SYNRG: variants seen among roughly 807,000 people sequenced by gnomAD.
SYNRG encodes the protein synergin gamma, also known as AP1 gamma subunit binding protein 1.
Under a neutral mutation model 130.9 loss-of-function variants are expected in SYNRG, and 37 were observed. The ratio of observed to expected loss-of-function variants is 0.28; its 90% CI spans 0.22 to 0.37. The LOEUF (loss-of-function observed/expected upper bound fraction) is 0.37. Among genes scored for constraint, SYNRG ranks in the 10% least tolerant of loss-of-function variants. SYNRG has a pLI of 1.00. For synonymous variants in SYNRG, 539 were observed against 568.1 expected, an observed-to-expected ratio of 0.95 and a Z score of 0.73; for missense variants, 1,338 against 1,588.9, an observed-to-expected ratio of 0.84 and a Z score of 2.68.
intron 19 of SYNRG, among the ~76,000 whole-genome samples, chr17:37,530,769 G>A (rs747405635): frequency 6.6e-6 from 1 of 152,184 alleles, no homozygotes. Flanking sequence ...CCCAGCTTCT[G>A]TTCGCAATAT....
intron 14 of SYNRG, among the ~76,000 whole-genome samples, chr17:37,546,985 CT>C (rs1234075930): frequency 6.6e-6 from 1 of 152,118 alleles, no homozygotes; most frequent in East Asian, 1.9e-4. Flanking sequence ...TCTCTATTAA[CT>C]AAAAAACCTG....
chr17:37,556,191 T>C (rs970518969), intron 13 of SYNRG, among the ~76,000 whole-genome samples: 13 of 152,122 alleles, frequency 8.5e-5, no homozygotes, highest in African/African-American at 2.7e-4. Context: ...GGCTCACGAC[T>C]GTAATCCCTG....
intron 13 of SYNRG, among the ~76,000 whole-genome samples, chr17:37,555,176 G>C (rs1219740099): frequency 6.6e-6 from 1 of 152,022 alleles, no homozygotes; most frequent in African/African-American, 2.4e-5. Flanking sequence ...GCCCAGGCTG[G>C]AGTACAATGG....
Position 37,541,959 on chromosome 17 carries a change from G to A in SYNRG, c.3202+13C>T. ...AAACCACAATAGTAAAATCTACCTT[G>A]GAAGCTACTCACCTTGAACAGAAAG... On this transcript the variant is annotated intron_variant, in intron 15 of 21. Transcript: ENST00000612223. 6.2e-7 allele frequency: 1 copy of A among 1,601,610 alleles called. No homozygotes were observed. Among genetic ancestry groups the A allele is most frequent in the East Asian group, 2.2e-5 (1 of 44,646 alleles).
At chr17:37,541,294 A>C in intron 15 of SYNRG, 1 of 980,080 alleles carries the variant, frequency 1.0e-6, no homozygotes, top group Non-Finnish European at 1.2e-6. Context: ...AGGCAAACTC[A>C]AATGCCTTCA....
intron 6 of SYNRG, among the ~76,000 whole-genome samples, chr17:37,580,953 A>G (rs2146335508): frequency 6.6e-6 from 1 of 152,276 alleles, no homozygotes; most frequent in South Asian, 2.1e-4. Context: ...TACAGGCATG[A>G]GCCACCATGC....
intron 11 of SYNRG, among the ~76,000 whole-genome samples, chr17:37,564,427 T>C (rs1453886279): frequency 2.6e-5 from 4 of 152,246 alleles, no homozygotes; most frequent in Non-Finnish European, 4.4e-5. Context: ...AAGATTACCA[T>C]GGCAACTGAA....
At chr17:37,540,017 T>G (rs2057595822) in intron 16 of SYNRG, among the ~76,000 whole-genome samples, 1 of 152,222 alleles carries the variant, frequency 6.6e-6, no homozygotes, top group Non-Finnish European at 1.5e-5. Flanking sequence ...GGCACTAAGA[T>G]GCAGCAGACA....
chr17:37,596,173 C>G, intron 3 of SYNRG, 50 bp downstream of exon 3: 2 of 1,595,830 alleles, frequency 1.3e-6, no homozygotes, highest in Non-Finnish European at 1.7e-6. Flanking sequence ...GATATATAAA[C>G]GTAACAACAA....
chr17:37,520,661 C>CA lies in SYNRG; in HGVS notation c.3667-14dup. 6.2e-7 allele frequency: 1 copy of CA among 1,610,068 alleles called. No homozygotes were observed. The highest frequency in any genetic ancestry group is 8.5e-7 in the Non-Finnish European group (1 of 1,176,288). On this transcript the variant is annotated splice_polypyrimidine_tract_variant and intron_variant, in intron 19 of 21. Transcript: ENST00000612223. ...AGTTTTCATCTGGCTGTGAGGACGACAAGACAAATGGGTAAGAAGTCCACA... is the reference window on the plus strand; with the variant it reads ...AGTTTTCATCTGGCTGTGAGGACGACAAAGACAAATGGGTAAGAAGTCCACA...
At chr17:37,552,138 C>T (rs2058754582) in intron 14 of SYNRG, among the ~76,000 whole-genome samples, 1 of 152,178 alleles carries the variant, frequency 6.6e-6, no homozygotes, top group Admixed American at 6.5e-5. Flanking sequence ...AATCTGTAAA[C>T]TTGGAAGTGT....
chr17:37,561,505 A>G lies in SYNRG; in HGVS notation c.1566T>C (p.Ala522=), dbSNP rs1260466497. The G allele has an allele frequency of 1.9e-6, 3 of 1,613,762 alleles. No homozygotes were observed. The highest frequency in any genetic ancestry group is 2.5e-6 in the Non-Finnish European group (3 of 1,179,786). The stretch of plus-strand genomic sequence containing the variant: ...GAACAGTATTTTCAGAGGACTTGTC[A>G]GCTGCAATTCCTTTAAACACAGCAT... ...DKYAVFKGIA[A]DKSSENTVPP... is the part of the protein sequence containing the mutation. Residue 522 remains alanine, a synonymous_variant, in exon 12 of 22, where the codon GCT becomes GCC. Coordinates refer to ENST00000612223, the MANE Select transcript of SYNRG (RefSeq NM_007247.6).
At chr17:37,536,869 T>G (rs556060370) in intron 18 of SYNRG, 120 of 152,324 alleles carry the variant, frequency 7.9e-4, no homozygotes, top group African/African-American at 2.8e-3. Context: ...AATGTAACAG[T>G]CACCAAAGAC....
intron 20 of SYNRG, 82 bp from the exon 21 acceptor site, chr17:37,520,296 C>T: frequency 1.3e-6 from 2 of 1,578,208 alleles, no homozygotes; most frequent in Non-Finnish European, 8.7e-7. Context: ...ACAGGTTCAC[C>T]CTTTTCCCCT....
chr17:37,559,594 AAAG>A (rs2059374261), intron 13 of SYNRG, among the ~76,000 whole-genome samples: 1 of 152,240 alleles, frequency 6.6e-6, no homozygotes, highest in South Asian at 2.1e-4. Context: ...AGAGTCTGAG[AAAG>A]AAGAATCGCT....
At chr17:37,589,341 A>G (rs954801856) in intron 3 of SYNRG, among the ~76,000 whole-genome samples, 1 of 152,266 alleles carries the variant, frequency 6.6e-6, no homozygotes, top group African/African-American at 2.4e-5. Flanking sequence ...ATATTTACTG[A>G]TGCAAGGAAA....
At chr17:37,609,210 AT>A in intron 1 of SYNRG, 68 bp downstream of exon 1, 1 of 1,363,974 alleles carries the variant, frequency 7.3e-7, no homozygotes, top group African/African-American at 1.5e-5. Flanking sequence ...GAAAACTGCC[AT>A]AACTGCCAAG....
intron 3 of SYNRG, among the ~76,000 whole-genome samples, chr17:37,595,488 A>C (rs2062682154): frequency 1.3e-5 from 2 of 152,174 alleles, no homozygotes. Flanking sequence ...GACATTGGAG[A>C]CTACAAGACG....
chr17:37,551,982 A>G (rs1235731438), intron 14 of SYNRG, among the ~76,000 whole-genome samples: 2 of 152,252 alleles, frequency 1.3e-5, no homozygotes, highest in East Asian at 3.9e-4. Context: ...TGAAACATGC[A>G]ATGTCTCTGC....
Sources: gnomAD v4.1 joint callset for allele counts (sites outside exome capture counted in the v4.1 genomes callset) on GRCh38, gnomAD v4.1.1 for gene constraint, MANE v1.5 for transcripts, NCBI Gene and HGNC (gene_info 2026-07-23, HGNC 2026-07-21) for gene names.